EPHB1: variants seen among roughly 807,000 people sequenced by gnomAD.
EPHB1 encodes ephrin type-B receptor 1.
Under a neutral mutation model 94.4 loss-of-function variants are expected in EPHB1, and 30 were observed. The ratio of observed to expected loss-of-function variants is 0.32; its 90% CI spans 0.24 to 0.43. EPHB1 has a LOEUF of 0.43. EPHB1 is among the 20% of genes least tolerant of loss of function. The pLI, the probability that EPHB1 is intolerant of heterozygous loss-of-function variation, is 1.00. For missense variants in EPHB1, 1,055 were observed against 1,308.3 expected (o/e 0.81, Z 2.99); for synonymous variants, 522 against 489.1 (o/e 1.07, Z -0.89).
intron 3 of EPHB1, among the ~76,000 whole-genome samples, chr3:134,982,380 A>AAGG (rs1296373371): frequency 6.6e-6 from 1 of 152,192 alleles, no homozygotes. Context: ...AGGAGGAGTG[A>AAGG]AGGAGGAGGA....
intron 3 of EPHB1, among the ~76,000 whole-genome samples, chr3:134,953,398 G>C (rs1483836914): frequency 1.3e-5 from 2 of 152,250 alleles, no homozygotes; most frequent in Non-Finnish European, 2.9e-5. Context: ...GACGGATTGT[G>C]TGGAAACAAA....
intron 1 of EPHB1, among the ~76,000 whole-genome samples, chr3:134,826,743 CAT>C (rs2036486088): frequency 6.6e-6 from 1 of 152,130 alleles, no homozygotes. Context: ...TTGTAGAGCT[CAT>C]AGTTAATTCT....
At chr3:134,999,545 T>C (rs1935107629) in intron 3 of EPHB1, among the ~76,000 whole-genome samples, 1 of 152,016 alleles carries the variant, frequency 6.6e-6, no homozygotes, top group South Asian at 2.1e-4. Flanking sequence ...GTGGTAAAAA[T>C]ATATTCAGGT....
chr3:134,870,076 T>A (rs2037467243), intron 1 of EPHB1, among the ~76,000 whole-genome samples: 1 of 151,674 alleles, frequency 6.6e-6, no homozygotes, highest in Admixed American at 6.6e-5. Context: ...TTTAAGAGAG[T>A]TATTAGTGCT....
chr3:135,005,265 C>T (rs965816037), intron 3 of EPHB1, among the ~76,000 whole-genome samples: 2 of 152,138 alleles, frequency 1.3e-5, no homozygotes, highest in African/African-American at 4.8e-5. Flanking sequence ...CCCAGTTAGG[C>T]TGGTCAGGGG....
At chr3:135,184,531 C>T (rs1160048226) in intron 10 of EPHB1, among the ~76,000 whole-genome samples, 8 of 152,146 alleles carry the variant, frequency 5.3e-5, no homozygotes, top group Non-Finnish European at 1.5e-5. Flanking sequence ...GGTCTGGTAC[C>T]TGGCCTAGTG....
chr3:134,904,565 G>A (rs1471550099), intron 1 of EPHB1, among the ~76,000 whole-genome samples: 1 of 152,272 alleles, frequency 6.6e-6, no homozygotes, highest in South Asian at 2.1e-4. Flanking sequence ...CTTTACACTT[G>A]CTGAGCCAGC....
intron 3 of EPHB1, among the ~76,000 whole-genome samples, chr3:134,993,994 T>G (rs1934905319): frequency 6.6e-6 from 1 of 152,200 alleles, no homozygotes; most frequent in Admixed American, 6.5e-5. Flanking sequence ...CACTGAACCT[T>G]CAGGTTTTAG....
At chr3:134,868,663 T>C (rs942585560) in intron 1 of EPHB1, among the ~76,000 whole-genome samples, 4 of 152,202 alleles carry the variant, frequency 2.6e-5, no homozygotes, top group African/African-American at 9.7e-5. Context: ...TAGATATTTA[T>C]TGAGACCTAC....
At chr3:134,875,916 A>C (rs2037607367) in intron 1 of EPHB1, among the ~76,000 whole-genome samples, 1 of 152,076 alleles carries the variant, frequency 6.6e-6, no homozygotes, top group South Asian at 2.1e-4. Context: ...GCCTCCACTC[A>C]GCTGCCAGAG....
At chr3:135,114,811 A>G (rs943626485) in intron 4 of EPHB1, among the ~76,000 whole-genome samples, 4 of 152,172 alleles carry the variant, frequency 2.6e-5, no homozygotes, top group East Asian at 3.9e-4. Flanking sequence ...AAAGTAAGCT[A>G]TTTGATTTTA....
chr3:135,131,633 T>C (rs999647739), intron 4 of EPHB1, among the ~76,000 whole-genome samples: 4 of 152,168 alleles, frequency 2.6e-5, no homozygotes, highest in Non-Finnish European at 4.4e-5. Context: ...TCCAACTTAA[T>C]CTCAAAATGC....
chr3:134,837,934 G>A (rs550990896), intron 1 of EPHB1, among the ~76,000 whole-genome samples: 4 of 152,236 alleles, frequency 2.6e-5, no homozygotes, highest in Admixed American at 2.6e-4. Flanking sequence ...TGGACATTAC[G>A]TAGCCATAGA....
chr3:134,933,243 C>T (rs36170), intron 2 of EPHB1, among the ~76,000 whole-genome samples: 71,085 of 151,900 alleles, frequency 0.47, 17,317 homozygotes, highest in Middle Eastern at 0.57. Context: ...GGTCCTAAGA[C>T]GTCTGTCTGC....
chr3:135,204,137 A>G (rs756812901), intron 12 of EPHB1, among the ~76,000 whole-genome samples: 2 of 152,214 alleles, frequency 1.3e-5, no homozygotes, highest in Admixed American at 6.5e-5. Flanking sequence ...TCTCTCAAGT[A>G]TATATCCTTT....
intron 12 of EPHB1, 84 bp downstream of exon 12, chr3:135,201,773 A>T: frequency 2.2e-6 from 3 of 1,335,152 alleles, no homozygotes; most frequent in South Asian, 1.3e-5. Context: ...GACAGGGCAC[A>T]CTGGGAGGGA....
chr3:135,083,813 C>T (rs574971148), intron 3 of EPHB1, among the ~76,000 whole-genome samples: 1 of 152,178 alleles, frequency 6.6e-6, no homozygotes, highest in South Asian at 2.1e-4. Context: ...CAAATGAGTC[C>T]ATTGAATCCT....
chr3:134,898,036 T>C (rs1337319028), intron 1 of EPHB1, among the ~76,000 whole-genome samples: 1 of 152,066 alleles, frequency 6.6e-6, no homozygotes, highest in Non-Finnish European at 1.5e-5. Context: ...GGAAGGCAAA[T>C]AAATCAATGT....
chr3:134,866,371 C>T (rs1402134701), intron 1 of EPHB1, among the ~76,000 whole-genome samples: 1 of 152,218 alleles, frequency 6.6e-6, no homozygotes, highest in Admixed American at 6.5e-5. Context: ...TGGTGTGGCT[C>T]TTTACTTCTC....
Sources: gnomAD v4.1 joint callset for allele counts (sites outside exome capture counted in the v4.1 genomes callset) on GRCh38, gnomAD v4.1.1 for gene constraint, MANE v1.5 for transcripts, NCBI Gene and HGNC (gene_info 2026-07-23, HGNC 2026-07-21) for gene names.